PDZRN4: variants seen among roughly 807,000 people sequenced by gnomAD.
The protein encoded by PDZRN4 is PDZ domain containing ring finger 4, also known as PDZ domain-containing RING finger protein 4.
A neutral mutation model predicts 99.0 loss-of-function variants in PDZRN4; 70 were observed. The observed-to-expected ratio is 0.71, with a 90% CI of 0.58 to 0.86. The LOEUF is 0.86. Ranked by LOEUF, PDZRN4 falls within the 40% of genes least tolerant of loss-of-function variation. The probability of loss-of-function intolerance (pLI) is 0.00; values close to 1 mark genes in which losing one functional copy is unlikely to be tolerated. For synonymous variants in PDZRN4, 551 were observed against 501.6 expected (o/e 1.10, Z -1.32); for missense variants, 1,474 against 1,331.2 (o/e 1.11, Z -1.67).
In PDZRN4 at chr12:41,572,866, A is replaced by G. The variant is rs1439763591; in HGVS notation, c.2087A>G (p.Tyr696Cys). ...AGGCTCCAGAAAGTGACAGACCAGT[A>G]TGGAGACATCTGGACATTGCATGAT... is the stretch of plus-strand genomic sequence containing the variant. ...AHRLQKVTDQ[Y>C]GDIWTLHDGG... Residue 696 changes from tyrosine to cysteine, a missense_variant, in exon 10 of 10, where the codon TAT becomes TGT. Tyr to Cys is a radical substitution (Grantham distance 194). Transcript: ENST00000402685. The G allele has an allele frequency of 3.1e-6, 5 of 1,614,046 alleles. No homozygotes were observed. Among genetic ancestry groups the G allele is most frequent in the Non-Finnish European group, 4.2e-6 (5 of 1,180,012 alleles).
chr12:41,455,896 T>C (rs1225184284), intron 3 of PDZRN4, among the ~76,000 whole-genome samples: 4 of 152,208 alleles, frequency 2.6e-5, no homozygotes, highest in Admixed American at 2.6e-4. Context: ...TAGGGAACCA[T>C]TGTCTACATT....
At chr12:41,414,871 G>A (rs576809269) in intron 3 of PDZRN4, among the ~76,000 whole-genome samples, 3 of 152,154 alleles carry the variant, frequency 2.0e-5, no homozygotes, top group Non-Finnish European at 2.9e-5. Context: ...AAAGAGAAGC[G>A]TTCTTTATTC....
At chr12:41,214,765 GAC>G (rs1323428518) in intron 3 of PDZRN4, among the ~76,000 whole-genome samples, 1 of 151,836 alleles carries the variant, frequency 6.6e-6, no homozygotes, top group Non-Finnish European at 1.5e-5. Flanking sequence ...AAGATCCTAT[GAC>G]ACAGATCAAA....
intron 3 of PDZRN4, among the ~76,000 whole-genome samples, chr12:41,407,720 A>G (rs909068828): frequency 6.7e-6 from 1 of 149,328 alleles, no homozygotes; most frequent in Non-Finnish European, 1.5e-5. Flanking sequence ...GAGAAAAAAA[A>G]AAAACAAATG....
chr12:41,416,741 C>T (rs536299489), intron 3 of PDZRN4, among the ~76,000 whole-genome samples: 3 of 152,224 alleles, frequency 2.0e-5, no homozygotes, highest in Admixed American at 1.3e-4. Flanking sequence ...TAGCCACAGG[C>T]GGTTGCTACA....
intron 3 of PDZRN4, among the ~76,000 whole-genome samples, chr12:41,212,843 G>A (rs1489376569): frequency 3.3e-5 from 5 of 151,972 alleles, no homozygotes; most frequent in African/African-American, 4.8e-5. Flanking sequence ...AAGGATTTGA[G>A]GACAAAGCTT....
At chr12:41,396,237 A>G (rs1288148969) in intron 3 of PDZRN4, among the ~76,000 whole-genome samples, 1 of 152,088 alleles carries the variant, frequency 6.6e-6, no homozygotes. Context: ...TTTTTCCTCT[A>G]GTTTCCAATG....
chr12:41,188,598 G>A lies in PDZRN4; in HGVS notation c.143G>A (p.Arg48Gln), dbSNP rs1950709876. 6.5e-7 allele frequency: 1 copy of A among 1,540,482 alleles called. No homozygotes were observed. Among genetic ancestry groups the A allele is most frequent in the East Asian group, 2.4e-5 (1 of 41,164 alleles). ...AGCTGCCTGTTGCCCTGGGCGGTGCGGAGGCGCCGGTGCCCGCTGCAGTGC... is the reference window on the plus strand; with the variant it reads ...AGCTGCCTGTTGCCCTGGGCGGTGCAGAGGCGCCGGTGCCCGCTGCAGTGC... ...CASCLLPWAV[R>Q]RRRCPLQCQP... Residue 48 changes from arginine to glutamine, a missense_variant, in exon 1 of 10, where the codon CGG (arginine) becomes CAG (glutamine). Arg to Gln is a conservative substitution (Grantham distance 43). Transcript: ENST00000402685.
intron 3 of PDZRN4, among the ~76,000 whole-genome samples, chr12:41,483,515 G>T (rs1937716627): frequency 6.6e-6 from 1 of 152,080 alleles, no homozygotes; most frequent in South Asian, 2.1e-4. Context: ...GAGCTTCAGA[G>T]CAATGTGTAG....
At chr12:41,318,581 C>T (rs1016026198) in intron 3 of PDZRN4, among the ~76,000 whole-genome samples, 1 of 152,212 alleles carries the variant, frequency 6.6e-6, no homozygotes, top group African/African-American at 2.4e-5. Flanking sequence ...AGCCACATAA[C>T]ATCATCCACT....
At chr12:41,421,799 C>T (rs1425365089) in intron 3 of PDZRN4, among the ~76,000 whole-genome samples, 1 of 152,054 alleles carries the variant, frequency 6.6e-6, no homozygotes, top group Non-Finnish European at 1.5e-5. Flanking sequence ...AAATATATCC[C>T]ATCTTATTAT....
At chr12:41,352,307 G>A (rs1478297800) in intron 3 of PDZRN4, among the ~76,000 whole-genome samples, 1 of 152,114 alleles carries the variant, frequency 6.6e-6, no homozygotes, top group African/African-American at 2.4e-5. Context: ...AGGACAGACT[G>A]TCAAGAAAGT....
At chr12:41,421,184 T>C (rs562698994) in intron 3 of PDZRN4, among the ~76,000 whole-genome samples, 2 of 152,174 alleles carry the variant, frequency 1.3e-5, no homozygotes, top group African/African-American at 2.4e-5. Context: ...TAATTCCTAA[T>C]GTTATTAGAC....
intron 3 of PDZRN4, among the ~76,000 whole-genome samples, chr12:41,300,758 T>C (rs1951530580): frequency 6.6e-6 from 1 of 152,024 alleles, no homozygotes; most frequent in African/African-American, 2.4e-5. Context: ...GAAAACTTTC[T>C]GTAGTTTTAC....
At chr12:41,528,366 C>CA in intron 5 of PDZRN4, among the ~76,000 whole-genome samples, 1 of 152,206 alleles carries the variant, frequency 6.6e-6, no homozygotes, top group Non-Finnish European at 1.5e-5. Flanking sequence ...GAAGTCTCCA[C>CA]AGTGCACTCT....
chr12:41,492,480 T>C (rs1937906612), intron 3 of PDZRN4, among the ~76,000 whole-genome samples: 1 of 152,166 alleles, frequency 6.6e-6, no homozygotes, highest in African/African-American at 2.4e-5. Flanking sequence ...GTAAAAGCCA[T>C]CATGTTGCTG....
chr12:41,326,813 T>A (rs187123512), intron 3 of PDZRN4, among the ~76,000 whole-genome samples: 13 of 152,260 alleles, frequency 8.5e-5, no homozygotes, highest in Admixed American at 2.6e-4. Context: ...AGAGTATAAT[T>A]TAAACATCTA....
rs1400838581 is a variant in PDZRN4, at chr12:41,356,523, A to G, written c.844-149933A>G. On this transcript the variant is annotated intron_variant, in intron 3 of 9. Transcript: ENST00000402685. The stretch of plus-strand genomic sequence containing the variant: ...AGAATTCTATATTGACTAAGAACCT[A>G]ATGATGTCTTCCCAACCATCAACCT... Among the ~76,000 whole-genome samples, 13 of 152,120 alleles carry G rather than the reference A, an allele frequency of 8.5e-5. No individual in the cohort carries two copies. In the South Asian group the frequency reaches 1.9e-3, roughly 22 times the overall value.
intron 3 of PDZRN4, among the ~76,000 whole-genome samples, chr12:41,299,265 T>TGAGAGA (rs374747989): frequency 5.9e-4 from 89 of 150,284 alleles, no homozygotes; most frequent in African/African-American, 2.1e-3. Context: ...GAGAGTAAAA[T>TGAGAGA]GAGAGAGAGA....
Sources: gnomAD v4.1 joint callset for allele counts (sites outside exome capture counted in the v4.1 genomes callset) on GRCh38, gnomAD v4.1.1 for gene constraint, MANE v1.5 for transcripts, NCBI Gene and HGNC (gene_info 2026-07-23, HGNC 2026-07-21) for gene names.